PREX2: variants seen among roughly 807,000 people sequenced by gnomAD.
PREX2 encodes the protein phosphatidylinositol-3,4,5-trisphosphate dependent Rac exchange factor 2, also known as phosphatidylinositol 3,4,5-trisphosphate-dependent Rac exchanger 2 protein.
In PREX2, 107 loss-of-function variants were observed where a neutral mutation model predicts 203.2. That is an observed-to-expected ratio of 0.53 (90% CI 0.45 to 0.62). The LOEUF is 0.62. PREX2 is among the 20% of genes least tolerant of loss of function. PREX2 has a pLI of 0.00. For synonymous variants in PREX2, 672 were observed against 663.6 expected, an observed-to-expected ratio of 1.01 and a Z score of -0.19; for missense variants, 1,777 against 1,955.9, an observed-to-expected ratio of 0.91 and a Z score of 1.72.
chr8:68,115,091 G>A (rs1396763168), intron 25 of PREX2, among the ~76,000 whole-genome samples: 18 of 127,642 alleles, frequency 1.4e-4, no homozygotes, highest in East Asian at 2.6e-4. Context: ...ACAATGGCAC[G>A]ATCTCGGCTC....
At chr8:68,042,807 C>T (rs1448425054) in intron 7 of PREX2, among the ~76,000 whole-genome samples, 1 of 152,024 alleles carries the variant, frequency 6.6e-6, no homozygotes, top group Non-Finnish European at 1.5e-5. Context: ...ATTGATCAAA[C>T]ACTTACTGGA....
chr8:68,126,757 G>A (rs185368640), intron 30 of PREX2, among the ~76,000 whole-genome samples: 131 of 152,000 alleles, frequency 8.6e-4, no homozygotes, highest in African/African-American at 3.0e-3. Context: ...GTAACTCATT[G>A]GACACCTAGC....
chr8:68,189,554 A>G (rs1812254524), intron 35 of PREX2, among the ~76,000 whole-genome samples: 1 of 152,220 alleles, frequency 6.6e-6, no homozygotes, highest in Admixed American at 6.5e-5. Context: ...GATTTTCATC[A>G]TGGAAATAAT....
intron 35 of PREX2, among the ~76,000 whole-genome samples, chr8:68,164,619 G>A (rs1406782912): frequency 9.6e-6 from 1 of 104,444 alleles, no homozygotes; most frequent in East Asian, 2.7e-4. Flanking sequence ...TTTCACTCTT[G>A]TTGCCCAGGC....
intron 1 of PREX2, among the ~76,000 whole-genome samples, chr8:67,959,329 T>A (rs1277741625): frequency 2.0e-5 from 3 of 152,094 alleles, no homozygotes; most frequent in Non-Finnish European, 4.4e-5. Context: ...CAGTAGAGCG[T>A]GTGAGCAAAA....
At chr8:68,090,519 A>T (rs1024352732) in intron 19 of PREX2, 60 bp from the exon 20 acceptor site, 4 of 1,467,886 alleles carry the variant, frequency 2.7e-6, no homozygotes, top group Non-Finnish European at 3.8e-6. Context: ...TGTATATATC[A>T]TACAAATGAA....
In PREX2 at chr8:68,028,747, A is replaced by C. The variant is rs147689688; in HGVS notation, c.543+1424A>C. On this transcript the variant is annotated intron_variant, in intron 5 of 39. Coordinates refer to ENST00000288368, the MANE Select transcript of PREX2 (RefSeq NM_024870.4). Reference sequence around the variant, plus strand: ...GTACTCATAACTGCAGTTATTCCTGACCCTGATTTTGGAATCCCAGGGGAT... The same window carrying C: ...GTACTCATAACTGCAGTTATTCCTGCCCCTGATTTTGGAATCCCAGGGGAT... Among the ~76,000 whole-genome samples, 1,320 of 152,078 alleles carry C rather than the reference A, an allele frequency of 8.7e-3. 11 individuals are homozygous for C. Among genetic ancestry groups the C allele is most frequent in the African/African-American group, 0.026 (1,091 of 41,522 alleles).
At chr8:68,166,930 G>T (rs1389475224) in intron 35 of PREX2, among the ~76,000 whole-genome samples, 5 of 151,986 alleles carry the variant, frequency 3.3e-5, no homozygotes. Flanking sequence ...TCCAGCCTGG[G>T]TGACAGAGAA....
Position 68,120,970 on chromosome 8 carries a change from G to C in PREX2, c.3645G>C (p.Arg1215=), listed in dbSNP as rs1810760700. 1 of 1,613,542 alleles carries C rather than the reference G, an allele frequency of 6.2e-7. No individual in the cohort carries two copies. Among genetic ancestry groups the C allele is most frequent in the Non-Finnish European group, 8.5e-7 (1 of 1,179,668 alleles). The change falls in exon 30 of 40, where the codon CGG becomes CGC. Residue 1215 remains arginine (R), a synonymous_variant. Transcript: ENST00000288368. Reference sequence around the variant, plus strand: ...AGCTGAGTTGTCCAAAAAGGCTACGGCTTCATATCAAGCAAGATCCTTGGA... The same window carrying C: ...AGCTGAGTTGTCCAAAAAGGCTACGCCTTCATATCAAGCAAGATCCTTGGA... ...EPKLSCPKRL[R]LHIKQDPWNL...
chr8:68,027,436 A>G (rs1036193932), intron 5 of PREX2, 113 bp downstream of exon 5: 45 of 704,090 alleles, frequency 6.4e-5, no homozygotes, highest in Non-Finnish European at 9.6e-5. Context: ...AGCGTAGACC[A>G]TAAGTATTGG....
chr8:67,994,214 A>G (rs1049910383), intron 1 of PREX2, among the ~76,000 whole-genome samples: 2 of 152,170 alleles, frequency 1.3e-5, no homozygotes, highest in Admixed American at 6.5e-5. Flanking sequence ...GCTAAACTTA[A>G]TTCTCAGAAA....
intron 33 of PREX2, among the ~76,000 whole-genome samples, chr8:68,142,851 A>C (rs1372224130): frequency 6.6e-6 from 1 of 152,180 alleles, no homozygotes; most frequent in South Asian, 2.1e-4. Flanking sequence ...AACTAGCTAA[A>C]GGATTAAATT....
At chr8:68,077,546 T>C (rs922475588) in intron 15 of PREX2, 77 bp downstream of exon 15, 2 of 1,052,460 alleles carry the variant, frequency 1.9e-6, no homozygotes, top group African/African-American at 3.1e-5. Flanking sequence ...CACCCAGTGC[T>C]GCAGTGAGGT....
At chr8:68,208,576 T>C (rs927326047) in intron 37 of PREX2, among the ~76,000 whole-genome samples, 7 of 152,200 alleles carry the variant, frequency 4.6e-5, no homozygotes, top group African/African-American at 1.7e-4. Flanking sequence ...GCTTATTTTT[T>C]AATAGCTGAA....
At chr8:68,137,670 A>C (rs1212391309) in intron 32 of PREX2, among the ~76,000 whole-genome samples, 4 of 152,214 alleles carry the variant, frequency 2.6e-5, no homozygotes, top group Admixed American at 2.0e-4. Flanking sequence ...AGACCCTGTA[A>C]ATAATGCATT....
At chr8:68,008,048 G>A (rs1807148829) in intron 1 of PREX2, among the ~76,000 whole-genome samples, 3 of 152,220 alleles carry the variant, frequency 2.0e-5, no homozygotes, top group Admixed American at 2.0e-4. Flanking sequence ...ACATCTAGTA[G>A]TTGGCAGAGT....
chr8:68,057,716 G>A (rs7010514), intron 10 of PREX2, among the ~76,000 whole-genome samples: 44,414 of 152,124 alleles, frequency 0.29, 9,013 homozygotes, highest in African/African-American at 0.58. Context: ...CCATTTGCAA[G>A]AGAGTGACTT....
chr8:68,060,811 T>G (rs1808828037), intron 11 of PREX2, 32 bp downstream of exon 11: 1 of 1,360,172 alleles, frequency 7.4e-7, no homozygotes, highest in East Asian at 2.3e-5. Flanking sequence ...ACTTATTTAA[T>G]GCATTTATTG....
At chr8:68,027,201 T>C (rs750144217) in intron 4 of PREX2, 21 bp from the exon 5 acceptor site, 3 of 1,547,268 alleles carry the variant, frequency 1.9e-6, no homozygotes, top group Non-Finnish European at 1.8e-6. Context: ...ATGTAATTAA[T>C]TTTGATTATT....
Sources: gnomAD v4.1 joint callset for allele counts (sites outside exome capture counted in the v4.1 genomes callset) on GRCh38, gnomAD v4.1.1 for gene constraint, MANE v1.5 for transcripts, NCBI Gene and HGNC (gene_info 2026-07-23, HGNC 2026-07-21) for gene names.